ZNF184: variants seen among roughly 807,000 people sequenced by gnomAD.
ZNF184 encodes zinc finger protein 184 (Kruppel-like).
Under a neutral mutation model 54.4 loss-of-function variants are expected in ZNF184, and 16 were observed. The ratio of observed to expected loss-of-function variants is 0.29; its 90% CI spans 0.20 to 0.45. The LOEUF (loss-of-function observed/expected upper bound fraction) is 0.45, where lower values mean the gene tolerates loss of function less well. Ranked by LOEUF, ZNF184 falls within the 20% of genes least tolerant of loss-of-function variation. The pLI, the probability that ZNF184 is intolerant of heterozygous loss-of-function variation, is 1.00. For synonymous variants in ZNF184, 254 were observed against 295.3 expected (o/e 0.86, Z 1.43); for missense variants, 681 against 888.2 (o/e 0.77, Z 2.97).
At position 27,451,412 on chromosome 6, in the gene ZNF184, T is replaced by C; in HGVS notation, c.2147A>G (p.His716Arg). The change falls in exon 6 of 6, where the codon CAC (histidine) becomes CGC (arginine). Residue 716 changes from histidine to arginine, a missense_variant. His to Arg is a conservative substitution (Grantham distance 29). Coordinates refer to ENST00000683788, the MANE Select transcript of ZNF184 (RefSeq NM_001318891.2). ...CTTCTCTCCTGAATGAATTCTCTGG[T>C]GCTGAATGAGATATGTGCTCTGGCT... Reference protein sequence around the residue: ...TFSQSTYLIQHQRIHSGEKPF... With the variant: ...TFSQSTYLIQRQRIHSGEKPF... 2 of 1,614,194 alleles carry C rather than the reference T, an allele frequency of 1.2e-6. No individual in the cohort carries two copies. The highest frequency in any genetic ancestry group is 2.2e-5 in the South Asian group (2 of 91,086).
chr6:27,442,422 C>T, the ZNF184 span, among the ~76,000 whole-genome samples: 1 of 151,912 alleles, frequency 6.6e-6, no homozygotes, highest in East Asian at 1.9e-4. Flanking sequence ...GAGTTCCAGA[C>T]CAGCCTGGGA....
At chr6:27,440,564 T>C in the ZNF184 span, among the ~76,000 whole-genome samples, 1 of 152,208 alleles carries the variant, frequency 6.6e-6, no homozygotes, top group African/African-American at 2.4e-5. Flanking sequence ...ACCTTGATCA[T>C]GATAATGTGA....
At chr6:27,446,811 T>G (rs944772506), downstream of ZNF184, among the ~76,000 whole-genome samples, 1 of 152,160 alleles carries the variant, frequency 6.6e-6, no homozygotes, top group Admixed American at 6.5e-5. Flanking sequence ...AACCCCTAGA[T>G]GTAGGACAAA....
the ZNF184 span, among the ~76,000 whole-genome samples, chr6:27,445,219 A>T: frequency 6.6e-6 from 1 of 152,262 alleles, no homozygotes; most frequent in Non-Finnish European, 1.5e-5. Flanking sequence ...TGTCTGCAGC[A>T]AAGTGGGTAA....
the ZNF184 span, among the ~76,000 whole-genome samples, chr6:27,420,166 T>C: frequency 2.6e-5 from 4 of 152,244 alleles, no homozygotes; most frequent in Non-Finnish European, 5.9e-5. Flanking sequence ...TATTGCCCTC[T>C]AAATTACTAA....
intron 3 of ZNF184, among the ~76,000 whole-genome samples, chr6:27,460,221 C>G (rs914205409): frequency 5.3e-5 from 8 of 152,142 alleles, no homozygotes; most frequent in African/African-American, 1.9e-4. Context: ...GAATACTCAA[C>G]CAAATACTAT....
At chr6:27,415,327 C>T in the ZNF184 span, among the ~76,000 whole-genome samples, 72 of 151,872 alleles carry the variant, frequency 4.7e-4, no homozygotes, top group African/African-American at 1.5e-3. Context: ...CAGCTAGCCA[C>T]ATTTTAGTAA....
the ZNF184 span, among the ~76,000 whole-genome samples, chr6:27,410,086 G>A: frequency 2.0e-5 from 3 of 152,208 alleles, no homozygotes; most frequent in African/African-American, 7.2e-5. Context: ...TATAGTCTAG[G>A]TGTGTAGTTG....
the ZNF184 span, among the ~76,000 whole-genome samples, chr6:27,423,738 G>A: frequency 1.3e-5 from 2 of 152,266 alleles, no homozygotes; most frequent in Non-Finnish European, 2.9e-5. Context: ...TATATACAAA[G>A]AAAGATTATG....
the ZNF184 span, among the ~76,000 whole-genome samples, chr6:27,440,138 G>A: frequency 6.6e-6 from 1 of 152,120 alleles, no homozygotes; most frequent in Non-Finnish European, 1.5e-5. Context: ...AAAGAAACAC[G>A]TTTTTGGTAA....
the ZNF184 span, chr6:27,407,976 T>C: frequency 6.6e-7 from 1 of 1,506,908 alleles, no homozygotes; most frequent in Non-Finnish European, 9.2e-7. Context: ...CTATGCTGAA[T>C]TTGCAAAATC....
At chr6:27,420,484 A>G in the ZNF184 span, among the ~76,000 whole-genome samples, 41 of 152,238 alleles carry the variant, frequency 2.7e-4, no homozygotes, top group East Asian at 5.0e-3. Flanking sequence ...TCCATGCCCA[A>G]TGTTAGCTAC....
At chr6:27,426,523 C>T in the ZNF184 span, among the ~76,000 whole-genome samples, 1 of 152,196 alleles carries the variant, frequency 6.6e-6, no homozygotes, top group Non-Finnish European at 1.5e-5. This position sits in a 1 kb window ranked among gnomAD's most constrained non-coding sequence, Gnocchi z 4.2. Flanking sequence ...CTATCCATCC[C>T]AACTGCCAGA....
the ZNF184 span, among the ~76,000 whole-genome samples, chr6:27,436,858 A>G: frequency 1.3e-5 from 2 of 152,334 alleles, no homozygotes; most frequent in East Asian, 1.9e-4. Flanking sequence ...GCAATTTGGC[A>G]ATGAAACATC....
At chr6:27,429,783 T>C in the ZNF184 span, among the ~76,000 whole-genome samples, 1 of 152,216 alleles carries the variant, frequency 6.6e-6, no homozygotes, top group African/African-American at 2.4e-5. Flanking sequence ...AAACTTTTAC[T>C]TCTATTCTCT....
the ZNF184 span, among the ~76,000 whole-genome samples, chr6:27,431,317 A>ATGTG: frequency 6.6e-6 from 1 of 152,156 alleles, no homozygotes; most frequent in South Asian, 2.1e-4. Flanking sequence ...CAGGATCTAG[A>ATGTG]TACAAGTCCC....
chr6:27,457,026 C>T, intron 4 of ZNF184, 105 bp from the exon 5 acceptor site: 2 of 1,110,328 alleles, frequency 1.8e-6, no homozygotes, highest in Non-Finnish European at 2.6e-6. Context: ...GTAGTAAAAA[C>T]CTGATGGGAG....
the ZNF184 span, among the ~76,000 whole-genome samples, chr6:27,440,622 T>A: frequency 6.6e-6 from 1 of 152,226 alleles, no homozygotes; most frequent in Admixed American, 6.5e-5. Context: ...ACCAAAGTTA[T>A]GATTTTCTTA....
chr6:27,436,041 C>T, the ZNF184 span, among the ~76,000 whole-genome samples: 1 of 151,768 alleles, frequency 6.6e-6, no homozygotes, highest in South Asian at 2.1e-4. Flanking sequence ...TATCTTATTC[C>T]TGTTCTTAAG....
Sources: gnomAD v4.1 joint callset for allele counts (sites outside exome capture counted in the v4.1 genomes callset) on GRCh38, gnomAD v4.1.1 for gene constraint, Gnocchi (gnomAD v3.1) non-coding constraint, MANE v1.5 for transcripts, NCBI Gene and HGNC (gene_info 2026-07-23, HGNC 2026-07-21) for gene names.